ZEB2: variants seen among roughly 807,000 people sequenced by gnomAD.
ZEB2 encodes zinc finger E-box binding homeobox 2.
ZEB2 carries 6 observed loss-of-function variants against 99.9 expected under a neutral mutation model. That is an observed-to-expected ratio of 0.06 (90% CI 0.03 to 0.12). ZEB2 has a LOEUF of 0.12. Ranked by LOEUF, ZEB2 falls within the 10% of genes least tolerant of loss-of-function variation. The pLI, the probability that ZEB2 is intolerant of heterozygous loss-of-function variation, is 1.00. For missense variants in ZEB2, 969 were observed against 1,502.8 expected, an observed-to-expected ratio of 0.64 and a Z score of 5.87; for synonymous variants, 517 against 542.5, an observed-to-expected ratio of 0.95 and a Z score of 0.65.
rs1235463691 is a variant in ZEB2 at position 144,511,352 on chromosome 2, C to T, written c.73+5926G>A. 11 of 1,150,122 alleles carry T rather than the reference C, an allele frequency of 9.6e-6. No individual in the cohort carries two copies. The South Asian group carries it at 1.9e-4, about 20-fold the overall frequency. The allele number at this position is 1,150,122 out of a possible 1,614,324, so 71.2% of individuals were successfully genotyped here. On this transcript the variant is annotated intron_variant, in intron 2 of 9. Coordinates refer to ENST00000627532, the MANE Select transcript of ZEB2 (RefSeq NM_014795.4). ...GAGGAAACACAAGACAAAACACACA[C>T]ATGCACATACACAGCATAAAAACAC... is the stretch of plus-strand genomic sequence containing the variant.
intron 2 of ZEB2, among the ~76,000 whole-genome samples, chr2:144,457,787 T>A (rs1704140854): frequency 6.6e-6 from 1 of 152,154 alleles, no homozygotes; most frequent in South Asian, 2.1e-4. Context: ...TTTACTCTCA[T>A]CTCCCAATTT....
rs749152797 is a variant in ZEB2 at position 144,460,376 on chromosome 2, C to CTATT, written c.74-30354_74-30351dup. ...CATTTTCTTTTCTTTCTCTCTCTCT[C>CTATT]TATTTATTTATTTATTTTTTGGTCA... On this transcript the variant is annotated intron_variant, in intron 2 of 9. Coordinates refer to ENST00000627532, the MANE Select transcript of ZEB2 (RefSeq NM_014795.4). 2.0e-4 allele frequency among the ~76,000 whole-genome samples: 31 copies of CTATT among 152,182 alleles called. 1 individual carries two copies. The South Asian group carries it at 6.4e-3, about 32-fold the overall frequency.
chr2:144,440,504 TATATATATATA>T (rs1317982064), intron 2 of ZEB2, among the ~76,000 whole-genome samples: 66 of 9,954 alleles, frequency 6.6e-3, no homozygotes, highest in African/African-American at 0.014. Flanking sequence ...TATATATATA[TATATATATATA>T]TTTTTTTTTT....
rs781664431 is a variant in ZEB2 at position 144,429,842 on chromosome 2, ATCTTCC to A, written c.252_257del (p.Glu84_Glu85del). On this transcript the variant is annotated inframe_deletion, in exon 3 of 10. Transcript: ENST00000627532. ...GTTCCACTCCACCCTCCCTTATTTC[ATCTTCC>A]TCTTCCTCTCTTGGCAACAGAGCTT... 8.7e-6 allele frequency: 14 copies of A among 1,613,564 alleles called. No homozygotes were observed. The South Asian group carries it at 1.5e-4, about 18-fold the overall frequency.
intron 4 of ZEB2, chr2:144,405,425 A>G (rs891489256): frequency 4.4e-6 from 1 of 229,570 alleles, no homozygotes; most frequent in African/African-American, 2.4e-5. Flanking sequence ...ATTTTCTTCT[A>G]AGAAAGGTAT....
At chr2:144,485,396 TA>T (rs1704579432) in intron 2 of ZEB2, among the ~76,000 whole-genome samples, 1 of 152,238 alleles carries the variant, frequency 6.6e-6, no homozygotes, top group East Asian at 1.9e-4. Flanking sequence ...TGGGTTGGGA[TA>T]TTTTTTATAG....
chr2:144,400,095 T>G lies in ZEB2; in HGVS notation c.1092A>C (p.Ser364=), dbSNP rs1560607402. The G allele has an allele frequency of 6.2e-7, 1 of 1,613,960 alleles. No individual in the cohort carries two copies. The highest frequency in any genetic ancestry group is 8.5e-7 in the Non-Finnish European group (1 of 1,179,806). The change falls in exon 8 of 10, where the codon TCA becomes TCC. Residue 364 remains serine (S), a synonymous_variant. Transcript: ENST00000627532. The stretch of plus-strand genomic sequence containing the variant: ...ACTTGTTTCTTAACTGGGTAATGGC[T>G]GAATTAGTAGGAGAAGAAGAAACAG... ...PNSVSSSPTN[S]AITQLRNKLE... is the part of the protein sequence containing the mutation.
intron 2 of ZEB2, chr2:144,445,138 T>A (rs1221604590): frequency 6.6e-6 from 1 of 152,204 alleles, no homozygotes; most frequent in African/African-American, 2.4e-5. Context: ...TTTAATTGTC[T>A]AAAACAACAA....
chr2:144,455,573 A>G (rs1704111287), intron 2 of ZEB2, among the ~76,000 whole-genome samples: 1 of 152,250 alleles, frequency 6.6e-6, no homozygotes. Context: ...CTCTCAAAAT[A>G]CAATTTATAT....
At chr2:144,435,371 G>A (rs1480132330) in intron 2 of ZEB2, among the ~76,000 whole-genome samples, 1 of 151,978 alleles carries the variant, frequency 6.6e-6, no homozygotes, top group Non-Finnish European at 1.5e-5. Flanking sequence ...ACTTTGGGAG[G>A]CCAAGCAGGG....
intron 2 of ZEB2, among the ~76,000 whole-genome samples, chr2:144,485,871 G>A (rs555450344): frequency 3.3e-5 from 5 of 152,136 alleles, no homozygotes; most frequent in Admixed American, 2.0e-4. Context: ...CACCTGTCTC[G>A]GCCTCCCAAA....
At chr2:144,491,753 G>A (rs1226248894) in intron 2 of ZEB2, among the ~76,000 whole-genome samples, 1 of 152,216 alleles carries the variant, frequency 6.6e-6, no homozygotes, top group East Asian at 1.9e-4. Context: ...CCCCTCTTCA[G>A]ATACTTATGG....
In ZEB2 at chr2:144,399,071, G is replaced by A; in HGVS notation, c.2116C>T (p.Pro706Ser). The change falls in exon 8 of 10, where the codon CCA (proline) becomes TCA (serine). Residue 706 changes from proline to serine, a missense_variant. Physicochemically the swap from Pro to Ser is moderately conservative, Grantham distance 74. Around this residue, in one of 8 missense-constraint regions of ZEB2, gnomAD observed 346 missense variants for 460.0 expected, o/e 0.75. Transcript: ENST00000627532. The surrounding 1 kb of genome is among the most constrained non-coding windows in gnomAD (Gnocchi z 5.6). ...KVYQYSNSRS[P>S]SLERSSKPLA... is the part of the protein sequence containing the mutation. ...GGCTTGGAGCTTCTTTCCAGGGATGGGGACCTGGAATTTGAGTACTGGTAG... is the reference window on the plus strand; with the variant it reads ...GGCTTGGAGCTTCTTTCCAGGGATGAGGACCTGGAATTTGAGTACTGGTAG... The A allele has an allele frequency of 6.2e-7, 1 of 1,614,144 alleles. No homozygotes were observed. Among genetic ancestry groups the A allele is most frequent in the Non-Finnish European group, 8.5e-7 (1 of 1,180,022 alleles).
At position 144,493,687 on chromosome 2, in the gene ZEB2, T is replaced by C. The variant is rs142929265; in HGVS notation, c.73+23591A>G. On this transcript the variant is annotated intron_variant, in intron 2 of 9. Transcript: ENST00000627532. ...CTTGCAGCCTCTAGCAGACAGCACATGCAGAGTATGTGGACCAATTCATAG... is the reference window on the plus strand; with the variant it reads ...CTTGCAGCCTCTAGCAGACAGCACACGCAGAGTATGTGGACCAATTCATAG... Among the ~76,000 whole-genome samples the C allele has an allele frequency of 2.0e-5, 3 of 152,312 alleles. No homozygotes were observed. The East Asian group carries it at 5.8e-4, about 29-fold the overall frequency.
chr2:144,468,407 T>A (rs139380320), intron 2 of ZEB2, among the ~76,000 whole-genome samples: 12 of 152,292 alleles, frequency 7.9e-5, no homozygotes, highest in African/African-American at 1.9e-4. Flanking sequence ...AGTGGGTGAT[T>A]TAAATATTAC....
intron 4 of ZEB2, among the ~76,000 whole-genome samples, chr2:144,421,306 C>A (rs1470017518): frequency 6.6e-6 from 1 of 152,142 alleles, no homozygotes; most frequent in African/African-American, 2.4e-5. Context: ...CAGCCAATAG[C>A]AGGAGCTTGA....
intron 2 of ZEB2, among the ~76,000 whole-genome samples, chr2:144,442,982 A>G (rs569807280): frequency 6.6e-6 from 1 of 152,270 alleles, no homozygotes; most frequent in African/African-American, 2.4e-5. Context: ...TTATTTTTCA[A>G]TGATATTTAA....
intron 2 of ZEB2, among the ~76,000 whole-genome samples, chr2:144,455,953 A>G (rs1704116831): frequency 6.6e-6 from 1 of 152,192 alleles, no homozygotes; most frequent in Admixed American, 6.6e-5. Context: ...CATATTTTCC[A>G]AGCAGTACTT....
intron 9 of ZEB2, among the ~76,000 whole-genome samples, chr2:144,391,859 C>G (rs142796865): frequency 1.3e-5 from 2 of 152,270 alleles, no homozygotes; most frequent in Non-Finnish European, 1.5e-5. Flanking sequence ...TTATGACAGG[C>G]TGTGCATTCT....
Sources: gnomAD v4.1 joint callset for allele counts (sites outside exome capture counted in the v4.1 genomes callset) on GRCh38, gnomAD v4.1.1 for gene constraint, gnomAD v4.1.1 regional missense constraint, Gnocchi (gnomAD v3.1) non-coding constraint, MANE v1.5 for transcripts, NCBI Gene and HGNC (gene_info 2026-07-23, HGNC 2026-07-21) for gene names.